PELI2: variants seen among roughly 807,000 people sequenced by gnomAD.
PELI2 encodes pellino E3 ubiquitin protein ligase family member 2.
Under a neutral mutation model 42.3 loss-of-function variants are expected in PELI2, and 23 were observed. The ratio of observed to expected loss-of-function variants is 0.54; its 90% CI spans 0.39 to 0.77. PELI2 has a LOEUF of 0.77. PELI2 is among the 30% of genes least tolerant of loss of function. PELI2 has a pLI of 0.00. For missense variants in PELI2, 463 were observed against 553.2 expected (o/e 0.84, Z 1.64); for synonymous variants, 245 against 212.2 (o/e 1.15, Z -1.34).
At chr14:56,129,422 A>G (rs1387205617) in intron 1 of PELI2, among the ~76,000 whole-genome samples, 1 of 152,206 alleles carries the variant, frequency 6.6e-6, no homozygotes, top group East Asian at 1.9e-4. Flanking sequence ...TGATTTTGAA[A>G]CTTGTGCTGG....
intron 5 of PELI2, among the ~76,000 whole-genome samples, chr14:56,294,770 C>G (rs1045545818): frequency 6.6e-6 from 1 of 152,192 alleles, no homozygotes; most frequent in African/African-American, 2.4e-5. Context: ...TTACCACCAC[C>G]GATACTCTGC....
intron 5 of PELI2, chr14:56,292,823 GTT>G: frequency 1.0e-6 from 1 of 954,778 alleles, no homozygotes; most frequent in African/African-American, 1.8e-5. Flanking sequence ...GGTGAATGGA[GTT>G]TGAATTGTGC....
At chr14:56,290,235 C>A in intron 4 of PELI2, 33 bp from the exon 5 acceptor site, 2 of 1,458,974 alleles carry the variant, frequency 1.4e-6, no homozygotes, top group African/African-American at 1.4e-5. Context: ...ATCATCTTAA[C>A]CTACTTTTTC....
At chr14:56,186,573 C>G (rs1267338194) in intron 2 of PELI2, among the ~76,000 whole-genome samples, 2 of 152,164 alleles carry the variant, frequency 1.3e-5, no homozygotes, top group Admixed American at 1.3e-4. Flanking sequence ...CATTACTGAG[C>G]AGCTCTTAAT....
chr14:56,280,334 A>G (rs942710835), intron 3 of PELI2, among the ~76,000 whole-genome samples: 1 of 152,128 alleles, frequency 6.6e-6, no homozygotes, highest in Non-Finnish European at 1.5e-5. Flanking sequence ...GTTTGGGCAT[A>G]GTTTTAGTGG....
chr14:56,133,888 G>T (rs148525482), intron 1 of PELI2, among the ~76,000 whole-genome samples: 4 of 152,218 alleles, frequency 2.6e-5, no homozygotes, highest in Non-Finnish European at 5.9e-5. Context: ...CTACATGGAG[G>T]GTCAGAATGG....
chr14:56,300,593 C>G lies in PELI2; in HGVS notation c.*3427C>G, dbSNP rs1268295643. 3 of 151,948 alleles carry G rather than the reference C, an allele frequency of 2.0e-5. No individual in the cohort carries two copies. Among genetic ancestry groups the G allele is most frequent in the African/African-American group, 7.3e-5 (3 of 41,356 alleles). 9.4% of individuals were successfully genotyped at this position (151,948 alleles called of 1,614,324 possible). A position where few individuals can be genotyped will look rare whatever the true frequency, so the allele number is the denominator to read the frequency against. ...GCAGTTCTATGGTTTTGTTTCACTT[C>G]TTTTCTTTTTTAAAGCCATTCTGTT... On this transcript the variant is annotated 3_prime_UTR_variant, in exon 6 of 6. Coordinates refer to ENST00000267460, the MANE Select transcript of PELI2 (RefSeq NM_021255.3).
intron 2 of PELI2, among the ~76,000 whole-genome samples, chr14:56,257,515 C>T (rs575354483): frequency 1.3e-5 from 2 of 150,408 alleles, no homozygotes; most frequent in Non-Finnish European, 3.0e-5. Context: ...CTTTCTCTTT[C>T]TATATATATA....
intron 1 of PELI2, among the ~76,000 whole-genome samples, chr14:56,143,905 A>G (rs1049814376): frequency 5.3e-5 from 8 of 152,180 alleles, no homozygotes; most frequent in South Asian, 2.1e-4. Flanking sequence ...GATGATATTT[A>G]GAAGTCAGGA....
At chr14:56,243,196 C>T (rs1312000088) in intron 2 of PELI2, among the ~76,000 whole-genome samples, 25 of 152,254 alleles carry the variant, frequency 1.6e-4, no homozygotes, top group Admixed American at 6.5e-5. Flanking sequence ...GGTCATGTAA[C>T]ACAGAACCAA....
chr14:56,243,067 C>T (rs760119598), intron 2 of PELI2, among the ~76,000 whole-genome samples: 5 of 151,930 alleles, frequency 3.3e-5, no homozygotes, highest in Non-Finnish European at 7.3e-5. Context: ...TTTAAAGTAT[C>T]GAATTTGATT....
At chr14:56,154,236 T>A (rs191639085) in intron 1 of PELI2, among the ~76,000 whole-genome samples, 303 of 152,318 alleles carry the variant, frequency 2.0e-3, no homozygotes, top group African/African-American at 7.0e-3. Context: ...TCATTGGTAT[T>A]AAGAATTTGT....
At chr14:56,160,329 G>C (rs1328992281) in intron 1 of PELI2, among the ~76,000 whole-genome samples, 3 of 152,166 alleles carry the variant, frequency 2.0e-5, no homozygotes, top group African/African-American at 7.2e-5. Flanking sequence ...GAGAAGTTAA[G>C]GGATATGTGC....
chr14:56,199,428 A>G (rs1886251707), intron 2 of PELI2, among the ~76,000 whole-genome samples: 1 of 152,222 alleles, frequency 6.6e-6, no homozygotes, highest in Non-Finnish European at 1.5e-5. Flanking sequence ...TGAGAATGAA[A>G]GTTCTCAACT....
intron 2 of PELI2, among the ~76,000 whole-genome samples, chr14:56,244,299 G>T (rs933108962): frequency 2.0e-5 from 3 of 152,208 alleles, no homozygotes; most frequent in Non-Finnish European, 4.4e-5. Context: ...AAATACTGCT[G>T]TTGCATGTGA....
chr14:56,138,563 G>C (rs188139819), intron 1 of PELI2, among the ~76,000 whole-genome samples: 89 of 151,744 alleles, frequency 5.9e-4, no homozygotes, highest in African/African-American at 2.1e-3. Context: ...GAATATTATC[G>C]TTTTGACTTT....
At chr14:56,287,196 G>A (rs895963964) in intron 3 of PELI2, among the ~76,000 whole-genome samples, 3 of 152,162 alleles carry the variant, frequency 2.0e-5, no homozygotes, top group Non-Finnish European at 4.4e-5. Flanking sequence ...TGAGATGACT[G>A]GGAAATTCTA....
At chr14:56,202,430 C>G (rs1337864856) in intron 2 of PELI2, among the ~76,000 whole-genome samples, 2 of 152,046 alleles carry the variant, frequency 1.3e-5, no homozygotes. Flanking sequence ...CCCATTCTGA[C>G]TCATAGTTAC....
chr14:56,181,580 C>T (rs940454375), intron 2 of PELI2, among the ~76,000 whole-genome samples: 1 of 152,154 alleles, frequency 6.6e-6, no homozygotes, highest in African/African-American at 2.4e-5. Context: ...TGCCTTTTGG[C>T]TGTCTTGTTT....
Sources: gnomAD v4.1 joint callset for allele counts (sites outside exome capture counted in the v4.1 genomes callset) on GRCh38, gnomAD v4.1.1 for gene constraint, MANE v1.5 for transcripts, NCBI Gene and HGNC (gene_info 2026-07-23, HGNC 2026-07-21) for gene names.